The following SYNRG variants were observed in gnomAD, a reference collection of about 807,000 sequenced individuals.
The protein encoded by SYNRG is synergin gamma.
Under a neutral mutation model 130.9 loss-of-function variants are expected in SYNRG, and 37 were observed. The observed-to-expected ratio is 0.28, with a 90% CI of 0.22 to 0.37. The LOEUF (loss-of-function observed/expected upper bound fraction) is 0.37, where lower values mean the gene tolerates loss of function less well. SYNRG is among the 10% of genes least tolerant of loss of function. The pLI is 1.00. For missense variants in SYNRG, 1,338 were observed against 1,588.9 expected (o/e 0.84, Z 2.68); for synonymous variants, 539 against 568.1 (o/e 0.95, Z 0.73).
At chr17:37,597,913 T>C (rs988360392) in intron 2 of SYNRG, among the ~76,000 whole-genome samples, 1 of 152,188 alleles carries the variant, frequency 6.6e-6, no homozygotes, top group African/African-American at 2.4e-5. Context: ...GTTTGAAAAA[T>C]TAAAGATCTA....
chr17:37,570,418 G>T (rs2060335122), intron 10 of SYNRG, among the ~76,000 whole-genome samples: 1 of 152,046 alleles, frequency 6.6e-6, no homozygotes, highest in Non-Finnish European at 1.5e-5. Context: ...CTTTTTCAAT[G>T]ACATTAAATA....
At chr17:37,531,784 G>GA (rs879659367) in intron 19 of SYNRG, among the ~76,000 whole-genome samples, 1,846 of 132,760 alleles carry the variant, frequency 0.014, 28 homozygotes, top group African/African-American at 0.044. Context: ...GTCTAAAAAA[G>GA]AAAAAAAAAA....
At chr17:37,582,003 T>C (rs1393507697) in intron 6 of SYNRG, among the ~76,000 whole-genome samples, 1 of 152,150 alleles carries the variant, frequency 6.6e-6, no homozygotes, top group Non-Finnish European at 1.5e-5. Flanking sequence ...CCTCAGGTGA[T>C]CCACCCACCT....
intron 11 of SYNRG, among the ~76,000 whole-genome samples, chr17:37,563,916 C>T (rs2059729174): frequency 6.6e-6 from 1 of 151,508 alleles, no homozygotes; most frequent in Non-Finnish European, 1.5e-5. Flanking sequence ...GTGATCTTGG[C>T]TCACTGCAAA....
intron 1 of SYNRG, among the ~76,000 whole-genome samples, chr17:37,601,619 C>T (rs980488628): frequency 3.0e-4 from 45 of 152,068 alleles, no homozygotes; most frequent in Non-Finnish European, 5.1e-4. Context: ...CATTTTAGAG[C>T]GTAAGAAAGC....
chr17:37,595,986 C>T (rs2062736377), intron 3 of SYNRG, among the ~76,000 whole-genome samples: 1 of 152,198 alleles, frequency 6.6e-6, no homozygotes, highest in African/African-American at 2.4e-5. Context: ...AACTCCTGAC[C>T]TCAAGTGATC....
At chr17:37,547,209 AGT>A (rs2145124932) in intron 14 of SYNRG, among the ~76,000 whole-genome samples, 1 of 152,290 alleles carries the variant, frequency 6.6e-6, no homozygotes, top group East Asian at 1.9e-4. Context: ...TTTCTGTGTT[AGT>A]GTTTTAAGTT....
At chr17:37,529,538 C>CAAAAAAAAAA (rs3049513) in intron 19 of SYNRG, among the ~76,000 whole-genome samples, 1 of 124,626 alleles carries the variant, frequency 8.0e-6, no homozygotes. Context: ...ATATATTTTA[C>CAAAAAAAAAA]AAAAAAAAAA....
intron 19 of SYNRG, among the ~76,000 whole-genome samples, chr17:37,522,469 TTTTA>T (rs2055224862): frequency 6.6e-6 from 1 of 151,260 alleles, no homozygotes; most frequent in Non-Finnish European, 1.5e-5. Context: ...ACACTTTTAT[TTTTA>T]TTTATTTATT....
At chr17:37,539,970 G>A (rs1014609857) in intron 16 of SYNRG, among the ~76,000 whole-genome samples, 6 of 152,178 alleles carry the variant, frequency 3.9e-5, no homozygotes, top group African/African-American at 1.2e-4. Context: ...GGAAAGGTGG[G>A]AAATTAAGTG....
intron 14 of SYNRG, among the ~76,000 whole-genome samples, chr17:37,552,163 CT>C (rs1598294019): frequency 1.3e-5 from 2 of 152,136 alleles, no homozygotes; most frequent in African/African-American, 2.4e-5. Flanking sequence ...CGTGTCCCCC[CT>C]AGTTAGACAA....
chr17:37,604,182 T>A (rs142112095), intron 1 of SYNRG, among the ~76,000 whole-genome samples: 1 of 151,176 alleles, frequency 6.6e-6, no homozygotes, highest in East Asian at 1.9e-4. Flanking sequence ...GAAGGTTACA[T>A]TGAGGCGAGA....
intron 19 of SYNRG, among the ~76,000 whole-genome samples, chr17:37,525,767 A>T (rs1006468553): frequency 1.3e-5 from 2 of 152,194 alleles, no homozygotes; most frequent in Non-Finnish European, 2.9e-5. Context: ...GGCTTTGGAG[A>T]CCAGCCTGGC....
chr17:37,579,233 A>G (rs1425206365), intron 6 of SYNRG: 2 of 1,279,636 alleles, frequency 1.6e-6, no homozygotes, highest in African/African-American at 3.1e-5. Context: ...ACTTGGAGGG[A>G]GAGGCTGTGT....
At chr17:37,587,227 G>A (rs1301657798) in intron 3 of SYNRG, among the ~76,000 whole-genome samples, 2 of 152,152 alleles carry the variant, frequency 1.3e-5, no homozygotes, top group Non-Finnish European at 2.9e-5. Flanking sequence ...ACTCACTGCA[G>A]CCTCCAACTC....
intron 6 of SYNRG, among the ~76,000 whole-genome samples, chr17:37,580,510 T>TGAGAGAGAGAGAGAGAGA (rs71135748): frequency 1.2e-4 from 15 of 127,710 alleles, no homozygotes; most frequent in African/African-American, 4.4e-4. Flanking sequence ...TGTGTGTGTG[T>TGAGAGAGAGAGAGAGAGA]GAGAGAGAGA....
chr17:37,556,438 C>T (rs1419769150), intron 13 of SYNRG, among the ~76,000 whole-genome samples: 1 of 146,596 alleles, frequency 6.8e-6, no homozygotes, highest in African/African-American at 2.5e-5. Flanking sequence ...GCAACAAGAG[C>T]AAAACTCCGT....
intron 13 of SYNRG, among the ~76,000 whole-genome samples, chr17:37,558,192 T>C (rs1598331293): frequency 6.6e-6 from 1 of 152,182 alleles, no homozygotes; most frequent in East Asian, 1.9e-4. Flanking sequence ...TTCTAGAACC[T>C]AACAGTTATA....
At chr17:37,525,849 C>T (rs12948622) in intron 19 of SYNRG, among the ~76,000 whole-genome samples, 38,652 of 152,180 alleles carry the variant, frequency 0.25, 5,060 homozygotes, top group Admixed American at 0.34. Flanking sequence ...GCCTGTAATC[C>T]CAGCTATTCA....
Sources: allele counts gnomAD v4.1 joint callset (sites outside exome capture counted in the v4.1 genomes callset), GRCh38; gene constraint gnomAD v4.1.1; transcripts MANE v1.5; gene names NCBI Gene and HGNC (gene_info 2026-07-23, HGNC 2026-07-21).